Variants in GCNT2 observed in about 807,000 individuals in gnomAD.
The protein encoded by GCNT2 is glucosaminyl (N-acetyl) transferase 2 (I blood group), also known as N-acetyllactosaminide beta-1,6-N-acetylglucosaminyl-transferase.
GCNT2 carries 34 observed loss-of-function variants against 34.2 expected under a neutral mutation model. That is an observed-to-expected ratio of 1.00 (90% CI 0.76 to 1.32). GCNT2 has a LOEUF of 1.32. Among genes scored for constraint, GCNT2 ranks in the 40% most tolerant of loss-of-function variants. The pLI, the probability that GCNT2 is intolerant of heterozygous loss-of-function variation, is 0.00. For missense variants in GCNT2, 584 were observed against 489.4 expected, an observed-to-expected ratio of 1.19 and a Z score of -1.82; for synonymous variants, 212 against 188.0, an observed-to-expected ratio of 1.13 and a Z score of -1.04.
chr6:10,593,773 G>A (rs901636702), intron 3 of GCNT2, among the ~76,000 whole-genome samples: 9 of 151,942 alleles, frequency 5.9e-5, no homozygotes, highest in Non-Finnish European at 2.9e-5. Flanking sequence ...ATATATACTC[G>A]ACGTCTAAAT....
intron 3 of GCNT2, among the ~76,000 whole-genome samples, chr6:10,584,796 CA>C (rs35703055): frequency 6.6e-6 from 1 of 152,178 alleles, no homozygotes; most frequent in Non-Finnish European, 1.5e-5. Context: ...AAGGTTGGGA[CA>C]AAAGTTACAG....
intron 3 of GCNT2, among the ~76,000 whole-genome samples, chr6:10,579,674 G>A (rs536811957): frequency 1.3e-5 from 2 of 152,084 alleles, no homozygotes; most frequent in African/African-American, 4.8e-5. Context: ...AAATCAGCTG[G>A]CTGTGGTGGC....
At chr6:10,623,818 T>C (rs1042604146) in intron 4 of GCNT2, among the ~76,000 whole-genome samples, 1 of 152,212 alleles carries the variant, frequency 6.6e-6, no homozygotes, top group African/African-American at 2.4e-5. Context: ...TTGGTTTGAA[T>C]TGGGATTTCC....
At chr6:10,589,067 T>C (rs541718900) in intron 3 of GCNT2, among the ~76,000 whole-genome samples, 1 of 143,656 alleles carries the variant, frequency 7.0e-6, no homozygotes, top group African/African-American at 2.6e-5. Context: ...GGTGTGTGTG[T>C]AGTGTGTGGC....
intron 3 of GCNT2, among the ~76,000 whole-genome samples, chr6:10,550,340 A>T (rs620929): frequency 0.024 from 3,536 of 148,470 alleles, 130 homozygotes; most frequent in African/African-American, 0.081. Flanking sequence ...CCGGCCTAAC[A>T]TTTTTTTTTT....
intron 3 of GCNT2, among the ~76,000 whole-genome samples, chr6:10,540,297 T>C (rs1294158402): frequency 6.6e-6 from 1 of 152,220 alleles, no homozygotes; most frequent in Non-Finnish European, 1.5e-5. Flanking sequence ...CTTCTCACTT[T>C]AGACTTGTCT....
intron 4 of GCNT2, among the ~76,000 whole-genome samples, chr6:10,623,287 A>G (rs1399075784): frequency 6.7e-6 from 1 of 148,576 alleles, no homozygotes; most frequent in Non-Finnish European, 1.5e-5. Flanking sequence ...CCACCTGCCT[A>G]CATTATTTTT....
In GCNT2 at chr6:10,621,415, C is replaced by T. The variant is rs763168876; in HGVS notation, c.990C>T (p.Asp330=). 6.2e-7 allele frequency: 1 copy of T among 1,613,218 alleles called. No homozygotes were observed. Among genetic ancestry groups the T allele is most frequent in the Admixed American group, 1.7e-5 (1 of 60,010 alleles). The change falls in exon 4 of 5, where the codon GAC becomes GAT. Residue 330 remains aspartate (D), a synonymous_variant. Coordinates refer to ENST00000495262, the MANE Select transcript of GCNT2 (RefSeq NM_145649.5). ...TGNLRAIKWS[D]MEDRHGGCHG... The stretch of plus-strand genomic sequence containing the variant: ...ACCTCAGAGCTATAAAGTGGAGTGA[C>T]ATGGAAGACAGACACGGAGGCTGCC...
intron 3 of GCNT2, among the ~76,000 whole-genome samples, chr6:10,569,276 C>CACACACACACACACACACAA (rs1763433199): frequency 6.9e-6 from 1 of 144,160 alleles, no homozygotes; most frequent in African/African-American, 2.6e-5. Flanking sequence ...CACACACACC[C>CACACACACACACACACACAA]CCTAGGTAAT....
intron 3 of GCNT2, chr6:10,586,660 AT>A (rs867563705): frequency 1.2e-6 from 2 of 1,614,234 alleles, no homozygotes; most frequent in African/African-American, 2.7e-5. Context: ...CCTCCTGACC[AT>A]GCAATTAAGC....
At position 10,557,423 on chromosome 6, in the gene GCNT2, G is replaced by A. The variant is rs550816996; in HGVS notation, c.925+27587G>A. The A allele has an allele frequency of 6.8e-5, 72 of 1,063,718 alleles. No homozygotes were observed. The East Asian group carries it at 1.6e-3, about 23-fold the overall frequency. 65.9% of individuals were successfully genotyped at this position (1,063,718 alleles called of 1,614,324 possible). A position where few individuals can be genotyped will look rare whatever the true frequency, so the allele number is the denominator to read the frequency against. On this transcript the variant is annotated intron_variant, in intron 3 of 4. Coordinates refer to ENST00000495262, the MANE Select transcript of GCNT2 (RefSeq NM_145649.5). ...TAGAATAACCAGCCACTTTTTATTA[G>A]GAAGTAGAAGATGAAAACTGGAACA...
In GCNT2 at chr6:10,529,117, T is replaced by A. The variant is rs1348671993; in HGVS notation, c.206T>A (p.Leu69His). ...ACAGAAAATGCATTGAAAACTACCCTTGATGAAGCTACCTGCTATGAGTAC... is the reference window on the plus strand; with the variant it reads ...ACAGAAAATGCATTGAAAACTACCCATGATGAAGCTACCTGCTATGAGTAC... ...YPTENALKTT[L>H]DEATCYEYMV... The change falls in exon 3 of 5, where the codon CTT becomes CAT. Residue 69 changes from leucine to histidine, a missense_variant. Physicochemically the swap from Leu to His is moderately conservative, Grantham distance 99. Transcript: ENST00000495262. The A allele has an allele frequency of 6.2e-7, 1 of 1,614,004 alleles. No homozygotes were observed. Among genetic ancestry groups the A allele is most frequent in the Non-Finnish European group, 8.5e-7 (1 of 1,179,970 alleles).
intron 3 of GCNT2, among the ~76,000 whole-genome samples, chr6:10,607,749 A>T (rs1330489939): frequency 2.0e-5 from 3 of 152,208 alleles, no homozygotes; most frequent in Non-Finnish European, 4.4e-5. Flanking sequence ...ATTGATAATT[A>T]ATGATGATAG....
At chr6:10,526,274 G>A (rs908705569) in intron 1 of GCNT2, among the ~76,000 whole-genome samples, 10 of 152,140 alleles carry the variant, frequency 6.6e-5, no homozygotes, top group Non-Finnish European at 1.3e-4. Flanking sequence ...CCTGAGTCAC[G>A]CTGTAGAATC....
intron 3 of GCNT2, among the ~76,000 whole-genome samples, chr6:10,547,264 A>G (rs2113619213): frequency 6.6e-6 from 1 of 152,358 alleles, no homozygotes; most frequent in South Asian, 2.1e-4. Context: ...ATGTAACCAC[A>G]GTACAACTAT....
intron 3 of GCNT2, among the ~76,000 whole-genome samples, chr6:10,545,874 C>G (rs1047690948): frequency 4.6e-5 from 7 of 152,110 alleles, no homozygotes; most frequent in Admixed American, 4.6e-4. Flanking sequence ...GAAATAAAAT[C>G]AGTTACAATG....
In GCNT2 at chr6:10,529,278, G is replaced by C; in HGVS notation, c.367G>C (p.Val123Leu). 1 of 1,614,176 alleles carries C rather than the reference G, an allele frequency of 6.2e-7. No homozygotes were observed. The change falls in exon 3 of 5, where the codon GTC becomes CTC. Residue 123 changes from valine (V) to leucine (L), a missense_variant. Val to Leu is a conservative substitution (Grantham distance 32). Coordinates refer to ENST00000495262, the MANE Select transcript of GCNT2 (RefSeq NM_145649.5). ...LFRAIYMPQN[V>L]YCVHLDQKAT... is the part of the protein sequence containing the mutation. ...CAGGGCGATTTATATGCCCCAAAAT[G>C]TCTACTGTGTGCACCTGGATCAGAA...
At chr6:10,567,557 C>T (rs533382822) in intron 3 of GCNT2, among the ~76,000 whole-genome samples, 1 of 152,176 alleles carries the variant, frequency 6.6e-6, no homozygotes, top group Non-Finnish European at 1.5e-5. Flanking sequence ...AGGCCTTTTT[C>T]CCTTTACTCA....
chr6:10,529,293 C>G lies in GCNT2; in HGVS notation c.382C>G (p.Leu128Val), dbSNP rs151060330. 25 of 1,614,154 alleles carry G rather than the reference C, an allele frequency of 1.5e-5. No homozygotes were observed. The African/African-American group carries it at 3.2e-4, about 21-fold the overall frequency. ...GCCCCAAAATGTCTACTGTGTGCACCTGGATCAGAAGGCGACGGATGCCTT... is the reference window on the plus strand; with the variant it reads ...GCCCCAAAATGTCTACTGTGTGCACGTGGATCAGAAGGCGACGGATGCCTT... Reference protein sequence around the residue: ...YMPQNVYCVHLDQKATDAFKG... With the variant: ...YMPQNVYCVHVDQKATDAFKG... Residue 128 changes from leucine (L) to valine (V), a missense_variant, in exon 3 of 5, where the codon CTG (leucine) becomes GTG (valine). Physicochemically the swap from Leu to Val is conservative, Grantham distance 32 (BLOSUM62 1). Transcript: ENST00000495262.
Sources: allele counts gnomAD v4.1 joint callset (sites outside exome capture counted in the v4.1 genomes callset), GRCh38; gene constraint gnomAD v4.1.1; transcripts MANE v1.5; gene names NCBI Gene and HGNC (gene_info 2026-07-23, HGNC 2026-07-21).